PCDH15: variants seen among roughly 807,000 people sequenced by gnomAD.
PCDH15 encodes protocadherin related 15, also known as protocadherin-15.
In PCDH15, 129 loss-of-function variants were observed where a neutral mutation model predicts 178.5. The observed-to-expected ratio is 0.72, with a 90% CI of 0.63 to 0.84. The LOEUF is 0.84. Among genes scored for constraint, PCDH15 ranks in the 40% least tolerant of loss-of-function variants. The probability of loss-of-function intolerance (pLI) is 0.00; values close to 1 mark genes in which losing one functional copy is unlikely to be tolerated. For missense variants in PCDH15, 2,230 were observed against 2,099.9 expected (o/e 1.06, Z -1.21); for synonymous variants, 800 against 732.0 (o/e 1.09, Z -1.50).
chr10:55,234,702 G>A (rs1211779218), intron 1 of PCDH15, among the ~76,000 whole-genome samples: 1 of 151,892 alleles, frequency 6.6e-6, no homozygotes. Flanking sequence ...TTTCTATTGA[G>A]ATTTCTGATA....
intron 23 of PCDH15, among the ~76,000 whole-genome samples, chr10:53,950,309 G>A (rs934491227): frequency 1.3e-5 from 2 of 151,752 alleles, no homozygotes; most frequent in Non-Finnish European, 1.5e-5. Context: ...ATATATACCA[G>A]TATAAATTTT....
intron 19 of PCDH15, among the ~76,000 whole-genome samples, chr10:54,022,250 G>C (rs577053215): frequency 3.3e-4 from 50 of 151,974 alleles, no homozygotes; most frequent in African/African-American, 1.2e-3. Context: ...GTAATTTATA[G>C]TTAAAAACTT....
chr10:54,692,691 A>ATACCTCCAAACATCCCTGATTGAG (rs2095144372), intron 1 of PCDH15, among the ~76,000 whole-genome samples: 4 of 147,266 alleles, frequency 2.7e-5, no homozygotes, highest in Admixed American at 2.2e-4. Flanking sequence ...TTAAAAGCGA[A>ATACCTCCAAACATCCCTGATTGAG]TAACTCCAAA....
chr10:53,905,677 C>T (rs181231635), intron 25 of PCDH15, among the ~76,000 whole-genome samples: 1 of 152,200 alleles, frequency 6.6e-6, no homozygotes, highest in East Asian at 1.9e-4. Flanking sequence ...CATATCCATA[C>T]TTATATGTAT....
At chr10:53,986,947 A>T (rs2091144811) in intron 21 of PCDH15, among the ~76,000 whole-genome samples, 2 of 152,172 alleles carry the variant, frequency 1.3e-5, no homozygotes, top group Admixed American at 1.3e-4. Context: ...AGGGCTAGTC[A>T]GTGGGAGTTT....
intron 2 of PCDH15, chr10:54,606,132 G>C (rs919783400): frequency 5.9e-5 from 9 of 152,184 alleles, no homozygotes; most frequent in African/African-American, 2.2e-4. Context: ...TAGAATGCTT[G>C]ATTTGTAGTC....
chr10:55,071,494 C>G (rs1306956501), intron 2 of PCDH15, among the ~76,000 whole-genome samples: 1 of 152,116 alleles, frequency 6.6e-6, no homozygotes, highest in Admixed American at 6.5e-5. Flanking sequence ...TAAAAAGAGA[C>G]AAAGAAGGCC....
At chr10:55,297,165 G>T (rs1034621567) in intron 1 of PCDH15, among the ~76,000 whole-genome samples, 6 of 151,654 alleles carry the variant, frequency 4.0e-5, no homozygotes, top group African/African-American at 1.5e-4. Context: ...ACATTATACA[G>T]TATGTTAGAA....
intron 9 of PCDH15, among the ~76,000 whole-genome samples, chr10:54,231,554 C>T (rs2054073605): frequency 6.6e-6 from 1 of 152,188 alleles, no homozygotes; most frequent in Non-Finnish European, 1.5e-5. Flanking sequence ...GAGAAGAAGG[C>T]AACTATTCTC....
chr10:54,051,302 T>G (rs528676917), intron 18 of PCDH15, among the ~76,000 whole-genome samples: 10 of 152,092 alleles, frequency 6.6e-5, no homozygotes, highest in Admixed American at 3.3e-4. Flanking sequence ...TGTGAGAAAG[T>G]TTGGAACTTC....
chr10:55,176,299 T>G (rs1839483928), intron 1 of PCDH15, among the ~76,000 whole-genome samples: 1 of 152,128 alleles, frequency 6.6e-6, no homozygotes. Context: ...AAATCATGCC[T>G]GAAAACTTAA....
At chr10:54,957,894 C>T (rs946393140) in intron 2 of PCDH15, among the ~76,000 whole-genome samples, 11 of 151,666 alleles carry the variant, frequency 7.3e-5, no homozygotes, top group Non-Finnish European at 1.3e-4. Flanking sequence ...TGCCTTCTCC[C>T]TGTTTGCCTA....
chr10:54,698,494 A>G (rs991308600), intron 1 of PCDH15, among the ~76,000 whole-genome samples: 3 of 152,264 alleles, frequency 2.0e-5, no homozygotes, highest in East Asian at 1.9e-4. Flanking sequence ...ACTATTTGCT[A>G]TATCAGCCAG....
At chr10:55,150,854 G>A (rs549241943) in intron 2 of PCDH15, among the ~76,000 whole-genome samples, 2 of 152,166 alleles carry the variant, frequency 1.3e-5, no homozygotes, top group South Asian at 4.1e-4. Flanking sequence ...GGAAAGCCAA[G>A]AGCTCTCAGT....
At chr10:54,974,053 T>C (rs1839003876) in intron 2 of PCDH15, among the ~76,000 whole-genome samples, 1 of 147,956 alleles carries the variant, frequency 6.8e-6, no homozygotes, top group Non-Finnish European at 1.5e-5. Context: ...TCTCTCTCTC[T>C]CTCTCACACA....
intron 2 of PCDH15, among the ~76,000 whole-genome samples, chr10:55,002,922 A>C (rs1178019996): frequency 1.3e-5 from 2 of 152,228 alleles, no homozygotes; most frequent in African/African-American, 4.8e-5. Flanking sequence ...AACTTTAAAA[A>C]AGTTATAAAA....
chr10:54,191,774 A>T (rs1338525882), intron 11 of PCDH15, among the ~76,000 whole-genome samples: 1 of 140,510 alleles, frequency 7.1e-6, no homozygotes, highest in Non-Finnish European at 1.6e-5. Context: ...AAAAAAAATT[A>T]GCTAGGCATG....
At chr10:54,671,720 T>C (rs1001536790) in intron 1 of PCDH15, among the ~76,000 whole-genome samples, 1 of 152,208 alleles carries the variant, frequency 6.6e-6, no homozygotes, top group Non-Finnish European at 1.5e-5. Context: ...TACAGCTTTA[T>C]GAGAAAAACT....
intron 8 of PCDH15, among the ~76,000 whole-genome samples, chr10:54,257,691 A>G (rs2057020341): frequency 1.3e-5 from 2 of 152,068 alleles, no homozygotes; most frequent in Admixed American, 1.3e-4. Context: ...TTACATGTGT[A>G]GGATTGGAGG....
Sources: gnomAD v4.1 joint callset for allele counts (sites outside exome capture counted in the v4.1 genomes callset) on GRCh38, gnomAD v4.1.1 for gene constraint, MANE v1.5 for transcripts, NCBI Gene and HGNC (gene_info 2026-07-23, HGNC 2026-07-21) for gene names.